S100A8: variants seen among roughly 807,000 people sequenced by gnomAD.
The protein encoded by S100A8 is S100 calcium binding protein A8, also known as protein S100-A8.
Under a neutral mutation model 4.2 loss-of-function variants are expected in S100A8, and 1 was observed. The ratio of observed to expected loss-of-function variants is 0.24; its 90% confidence interval spans 0.08 to 1.12. The LOEUF (loss-of-function observed/expected upper bound fraction) is 1.12, where lower values mean the gene tolerates loss of function less well. S100A8 is among the 50% of genes most tolerant of loss of function. S100A8 has a pLI of 0.53. For synonymous variants in S100A8, 41 were observed against 44.7 expected, an observed-to-expected ratio of 0.92 and a Z score of 0.33; for missense variants, 96 against 111.8, an observed-to-expected ratio of 0.86 and a Z score of 0.64.
the S100A8 span, among the ~76,000 whole-genome samples, chr1:153,405,643 G>C: frequency 2.6e-5 from 4 of 152,224 alleles, no homozygotes; most frequent in African/African-American, 9.6e-5. Context: ...ATACTGCCCA[G>C]ACCCCCACCT....
At chr1:153,410,327 T>C in the S100A8 span, among the ~76,000 whole-genome samples, 33 of 152,288 alleles carry the variant, frequency 2.2e-4, no homozygotes, top group African/African-American at 7.0e-4. Flanking sequence ...AAAGACAAAC[T>C]ACCATTAGAG....
chr1:153,419,292 T>A, the S100A8 span: 16 of 1,614,152 alleles, frequency 9.9e-6, no homozygotes, highest in Non-Finnish European at 1.4e-5. Context: ...GGCGCCCTGT[T>A]CTGGGGGAAG....
At chr1:153,405,948 C>T in the S100A8 span, among the ~76,000 whole-genome samples, 1 of 151,960 alleles carries the variant, frequency 6.6e-6, no homozygotes, top group Admixed American at 6.5e-5. Context: ...TGTCCCGCTC[C>T]CCCAACTGCT....
chr1:153,395,416 A>G (rs1416074654), upstream of S100A8, among the ~76,000 whole-genome samples: 1 of 152,042 alleles, frequency 6.6e-6, no homozygotes, highest in African/African-American at 2.4e-5. Flanking sequence ...AATCGCCAGC[A>G]CCTGAAACCT....
At chr1:153,390,615 C>A (rs1199021948) in intron 1 of S100A8, 58 bp from the exon 2 acceptor site, 3 of 1,589,498 alleles carry the variant, frequency 1.9e-6, no homozygotes, top group Admixed American at 1.7e-5. Context: ...CTGGCCAGGG[C>A]AGTACGCAGA....
chr1:153,391,087 G>A (rs998236181), upstream of S100A8: 63 of 985,726 alleles, frequency 6.4e-5, no homozygotes, highest in Non-Finnish European at 6.9e-5. Context: ...GGGCTGAGAG[G>A]CAGCTCCTTT....
chr1:153,415,538 T>G, the S100A8 span, among the ~76,000 whole-genome samples: 6 of 152,130 alleles, frequency 3.9e-5, no homozygotes, highest in South Asian at 2.1e-4. Flanking sequence ...CCCTACCTGG[T>G]TCAGGCTTTC....
At chr1:153,412,155 C>T in the S100A8 span, among the ~76,000 whole-genome samples, 1 of 152,148 alleles carries the variant, frequency 6.6e-6, no homozygotes, top group African/African-American at 2.4e-5. Flanking sequence ...AACTAAAGAG[C>T]TTCTGCATAG....
At chr1:153,406,773 G>T in the S100A8 span, among the ~76,000 whole-genome samples, 1 of 152,180 alleles carries the variant, frequency 6.6e-6, no homozygotes, top group South Asian at 2.1e-4. Context: ...TCTCCTGGGG[G>T]ATCAGCAGTG....
At chr1:153,415,214 G>A in the S100A8 span, among the ~76,000 whole-genome samples, 41 of 151,694 alleles carry the variant, frequency 2.7e-4, no homozygotes, top group African/African-American at 7.5e-4. Flanking sequence ...ATCTTTTGCC[G>A]CTAAAAGTAA....
chr1:153,407,959 C>CCAT, the S100A8 span, among the ~76,000 whole-genome samples: 1 of 152,190 alleles, frequency 6.6e-6, no homozygotes, highest in African/African-American at 2.4e-5. Context: ...CGCCAAAACT[C>CCAT]CATCTGTACG....
chr1:153,412,806 A>G, the S100A8 span, among the ~76,000 whole-genome samples: 4 of 152,326 alleles, frequency 2.6e-5, no homozygotes, highest in Non-Finnish European at 2.9e-5. Flanking sequence ...ATGCAGCCAT[A>G]AAAAAGGATG....
the S100A8 span, among the ~76,000 whole-genome samples, chr1:153,402,017 A>G: frequency 6.6e-6 from 1 of 152,020 alleles, no homozygotes; most frequent in East Asian, 1.9e-4. Context: ...TTGAAGGGGG[A>G]GCTGCTAGAT....
the S100A8 span, chr1:153,422,343 A>G: frequency 5.3e-6 from 1 of 186,920 alleles, no homozygotes; most frequent in African/African-American, 2.4e-5. Context: ...GAAGGAGGAC[A>G]TTTTAGAGCA....
At chr1:153,415,252 A>G in the S100A8 span, among the ~76,000 whole-genome samples, 1 of 151,796 alleles carries the variant, frequency 6.6e-6, no homozygotes, top group East Asian at 1.9e-4. Context: ...AAACTGGGAG[A>G]GGGAGAAACA....
At chr1:153,401,018 A>C in the S100A8 span, among the ~76,000 whole-genome samples, 1 of 152,132 alleles carries the variant, frequency 6.6e-6, no homozygotes, top group Admixed American at 6.5e-5. Flanking sequence ...TTTTCACCCT[A>C]CCTTTTGTTC....
chr1:153,421,764 G>A, the S100A8 span: 1 of 152,196 alleles, frequency 6.6e-6, no homozygotes, highest in Non-Finnish European at 1.5e-5. Context: ...AAGGCAATTG[G>A]CCACTCCTAA....
Position 153,390,403 on chromosome 1 carries a change from A to T in S100A8, c.133T>A (p.Tyr45Asn). 1 of 1,614,118 alleles carries T rather than the reference A, an allele frequency of 6.2e-7. No individual in the cohort carries two copies. The change falls in exon 2 of 3, where the codon TAT becomes AAT. Residue 45 changes from tyrosine (Y) to asparagine (N), a missense_variant. Tyr to Asn is a moderately radical substitution (Grantham distance 143, BLOSUM62 -2). Transcript: ENST00000368733. ...KKLLETECPQ[Y>N]IRKKGADVWF... ...ACCCAGCCCCTCCTCACCCTGATAT[A>T]CTGAGGACACTCGGTCTCTAGCAAT...
chr1:153,413,933 G>A, the S100A8 span, among the ~76,000 whole-genome samples: 7 of 152,176 alleles, frequency 4.6e-5, no homozygotes, highest in South Asian at 1.5e-3. Flanking sequence ...AGAAAAAAAA[G>A]ATAAGACTAT....
Sources: allele counts gnomAD v4.1 joint callset (sites outside exome capture counted in the v4.1 genomes callset), GRCh38; gene constraint gnomAD v4.1.1; transcripts MANE v1.5; gene names NCBI Gene and HGNC (gene_info 2026-07-23, HGNC 2026-07-21).